The following CCR3 variants were observed in gnomAD, a reference collection of about 807,000 sequenced individuals.
CCR3 encodes the protein C-C motif chemokine receptor 3.
For synonymous variants in CCR3, 203 were observed against 179.2 expected, an observed-to-expected ratio of 1.13 and a Z score of -1.06; for missense variants, 419 against 437.5, an observed-to-expected ratio of 0.96 and a Z score of 0.38.
Position 46,221,930 on chromosome 3 carries a change from G to A in CCR3, c.-68+11023G>A, listed in dbSNP as rs549559759. ...AGCTCTGCCTGCCTTTCCTCTTCCC[G>A]TGTGCCCCCTAGTCCCTCCCCAGCC... On this transcript the variant is annotated intron_variant, in intron 2 of 3. Transcript: ENST00000357422. 3.9e-5 allele frequency among the ~76,000 whole-genome samples: 6 copies of A among 152,152 alleles called. No homozygotes were observed. The South Asian group carries it at 6.2e-4, about 16-fold the overall frequency.
chr3:46,266,127 C>T lies in CCR3; in HGVS notation c.969C>T (p.His323=). 2 of 1,614,056 alleles carry T rather than the reference C, an allele frequency of 1.2e-6. No individual in the cohort carries two copies. The highest frequency in any genetic ancestry group is 1.7e-5 in the Admixed American group (1 of 60,024). ...RHFFHRHLLM[H]LGRYIPFLPS... is the part of the protein sequence containing the mutation. ...TCTTCCACAGGCACTTGCTCATGCA[C>T]CTGGGCAGATACATCCCATTCCTTC... Residue 323 remains histidine (H), a synonymous_variant, in exon 2 of 2, where the codon CAC becomes CAT. Coordinates refer to ENST00000395940, the MANE Select transcript of CCR3 (RefSeq NM_178329.3).
At chr3:46,230,043 C>G (rs1241672212) in intron 2 of CCR3, among the ~76,000 whole-genome samples, 1 of 152,070 alleles carries the variant, frequency 6.6e-6, no homozygotes, top group Non-Finnish European at 1.5e-5. Context: ...CCTTCTGGCT[C>G]TGTGGGCAAA....
At chr3:46,244,262 G>A (rs1700150084) in intron 1 of CCR3, among the ~76,000 whole-genome samples, 1 of 152,142 alleles carries the variant, frequency 6.6e-6, no homozygotes, top group African/African-American at 2.4e-5. Context: ...ACAATATGTT[G>A]GAGTCATTAC....
intron 2 of CCR3, among the ~76,000 whole-genome samples, chr3:46,235,264 T>C (rs1274426768): frequency 6.6e-6 from 1 of 152,304 alleles, no homozygotes; most frequent in East Asian, 1.9e-4. Context: ...GAAGGGCTTC[T>C]TTCTCTCCAG....
rs1256546137 is a variant in CCR3, at chr3:46,233,534, C to CT, written c.-67-8862dup. On this transcript the variant is annotated intron_variant, in intron 2 of 3. Transcript: ENST00000357422. ...TGCGTGTGTTGTTGTTGTTTTGGCT[C>CT]TTTTTTCCCGCCCCCCAGAAATGTG... 3.3e-5 allele frequency among the ~76,000 whole-genome samples: 5 copies of CT among 152,084 alleles called. No homozygotes were observed. The East Asian group carries it at 9.6e-4, about 29-fold the overall frequency.
rs77670222 is a variant in CCR3, at chr3:46,258,943, A to G, written c.-11-6205A>G. Among the ~76,000 whole-genome samples, 502 of 152,324 alleles carry G rather than the reference A, an allele frequency of 3.3e-3. 5 individuals are homozygous for G. The highest frequency in any genetic ancestry group is 0.011 in the African/African-American group (472 of 41,578). ...GGATCTGATCTCTTAGATCTCTAAG[A>G]TTTAGGGCTACAATTCCTGATTCAA... On this transcript the variant is annotated intron_variant, in intron 1 of 1. Coordinates refer to ENST00000395940, the MANE Select transcript of CCR3 (RefSeq NM_178329.3).
intron 1 of CCR3, among the ~76,000 whole-genome samples, chr3:46,244,565 T>TG (rs975873065): frequency 6.6e-6 from 1 of 151,172 alleles, no homozygotes; most frequent in African/African-American, 2.4e-5. Flanking sequence ...CGGGCAGGAG[T>TG]GGGGGTCACA....
intron 2 of CCR3, among the ~76,000 whole-genome samples, chr3:46,220,431 A>G (rs1699823390): frequency 6.6e-6 from 1 of 152,194 alleles, no homozygotes; most frequent in South Asian, 2.1e-4. Context: ...ACCACTATAG[A>G]AAACAGTATG....
chr3:46,212,549 T>G (rs899473512), intron 2 of CCR3, among the ~76,000 whole-genome samples: 4 of 150,944 alleles, frequency 2.6e-5, no homozygotes, highest in African/African-American at 9.8e-5. Flanking sequence ...CCCTCCTCAC[T>G]GCATACTTCT....
At chr3:46,253,531 A>G (rs1700359469) in intron 1 of CCR3, among the ~76,000 whole-genome samples, 1 of 152,154 alleles carries the variant, frequency 6.6e-6, no homozygotes, top group Admixed American at 6.5e-5. Context: ...AGCCCTGGAC[A>G]TATTTGGACC....
In CCR3 at chr3:46,211,729, A is replaced by C. The variant is rs191739432; in HGVS notation, c.-68+822A>C. On this transcript the variant is annotated intron_variant, in intron 2 of 3. Coordinates refer to the CCR3 transcript ENST00000357422. ...TCTCATGTCACTTTGAACATAGAAC[A>C]CACGCACACACACACTTTTTTTTAC... Among the ~76,000 whole-genome samples the C allele has an allele frequency of 1.8e-3, 271 of 152,314 alleles. 1 individual carries two copies. Among genetic ancestry groups the C allele is most frequent in the Middle Eastern group, 3.4e-3 (1 of 294 alleles).
At chr3:46,249,342 A>C (rs973650455) in intron 1 of CCR3, among the ~76,000 whole-genome samples, 3 of 152,140 alleles carry the variant, frequency 2.0e-5, no homozygotes, top group Non-Finnish European at 4.4e-5. Context: ...GTATTGTCTA[A>C]GTTGGCACCA....
intron 2 of CCR3, among the ~76,000 whole-genome samples, chr3:46,227,025 C>G (rs1396744080): frequency 1.3e-5 from 2 of 151,590 alleles, no homozygotes; most frequent in Admixed American, 1.3e-4. Context: ...GTGCATGCCA[C>G]CATGCCTGGC....
At chr3:46,263,742 C>T (rs1443436630) in intron 1 of CCR3, 1 of 152,276 alleles carries the variant, frequency 6.6e-6, no homozygotes, top group Non-Finnish European at 1.5e-5. Flanking sequence ...GTAAAGGAGG[C>T]TCTGCATTAA....
intron 2 of CCR3, among the ~76,000 whole-genome samples, chr3:46,214,596 C>G (rs1699752615): frequency 6.6e-6 from 1 of 152,162 alleles, no homozygotes; most frequent in Non-Finnish European, 1.5e-5. Context: ...ATGAGGACAT[C>G]TAACAGAGAA....
rs1293407436 is a variant in CCR3, at chr3:46,265,396, G to C, written c.238G>C (p.Asp80His). The change falls in exon 2 of 2, where the codon GAC becomes CAC. Residue 80 changes from aspartate to histidine, a missense_variant. Transcript: ENST00000395940. ...CTACCTGCTCAACCTGGCCATTTCG[G>C]ACCTGCTCTTCCTCGTCACCCTTCC... is the stretch of plus-strand genomic sequence containing the variant. ...NIYLLNLAISDLLFLVTLPFW... is the reference protein window; with the variant it reads ...NIYLLNLAISHLLFLVTLPFW... 6.2e-7 allele frequency: 1 copy of C among 1,614,030 alleles called. No individual in the cohort carries two copies. Among genetic ancestry groups the C allele is most frequent in the African/African-American group, 1.3e-5 (1 of 74,892 alleles).
chr3:46,257,942 A>G (rs1457298696), intron 1 of CCR3, among the ~76,000 whole-genome samples: 1 of 152,204 alleles, frequency 6.6e-6, no homozygotes, highest in Non-Finnish European at 1.5e-5. Flanking sequence ...AAGGCTGGTG[A>G]GCCTGGATTT....
intron 1 of CCR3, among the ~76,000 whole-genome samples, chr3:46,257,284 T>C (rs1448619280): frequency 6.6e-6 from 1 of 152,190 alleles, no homozygotes; most frequent in Admixed American, 6.6e-5. Context: ...ATTGCCTAAG[T>C]ATATGCTGTC....
At chr3:46,230,535 T>C (rs925231633) in intron 2 of CCR3, among the ~76,000 whole-genome samples, 2 of 152,120 alleles carry the variant, frequency 1.3e-5, no homozygotes, top group African/African-American at 4.8e-5. Flanking sequence ...CATTTTTTGC[T>C]TGTGTGATCT....
Sources: gnomAD v4.1 joint callset for allele counts (sites outside exome capture counted in the v4.1 genomes callset) on GRCh38, gnomAD v4.1.1 for gene constraint, MANE v1.5 for transcripts, NCBI Gene and HGNC (gene_info 2026-07-23, HGNC 2026-07-21) for gene names.